The following PBX4 variants were observed in gnomAD, a reference collection of about 807,000 sequenced individuals.
The protein encoded by PBX4 is PBX homeobox 4.
Under a neutral mutation model 35.1 loss-of-function variants are expected in PBX4, and 26 were observed. That is an observed-to-expected ratio of 0.74 (90% CI 0.54 to 1.03). The LOEUF (loss-of-function observed/expected upper bound fraction) is 1.03. Ranked by LOEUF, PBX4 falls within the 50% of genes least tolerant of loss-of-function variation. The pLI is 0.00. For missense variants in PBX4, 448 were observed against 504.3 expected (o/e 0.89, Z 1.07); for synonymous variants, 199 against 204.2 (o/e 0.97, Z 0.22).
At chr19:19,577,451 G>T (rs978881664) in intron 2 of PBX4, among the ~76,000 whole-genome samples, 4 of 152,216 alleles carry the variant, frequency 2.6e-5, no homozygotes, top group African/African-American at 9.6e-5. Context: ...GAAGGGTGCA[G>T]ATGTGCATGA....
chr19:19,599,179 G>C, intron 2 of PBX4, 113 bp downstream of exon 2: 1 of 847,732 alleles, frequency 1.2e-6, no homozygotes, highest in Non-Finnish European at 1.9e-6. Context: ...ATGTTGGTCA[G>C]GCTGGTCTGG....
intron 1 of PBX4, among the ~76,000 whole-genome samples, chr19:19,605,720 T>C (rs187125260): frequency 1.6e-4 from 25 of 152,112 alleles, no homozygotes; most frequent in Non-Finnish European, 2.8e-4. Context: ...TCCTCCCACT[T>C]TGGCCTCACA....
chr19:19,569,577 G>C lies in PBX4; in HGVS notation c.640C>G (p.Arg214Gly). 6.2e-7 allele frequency: 1 copy of C among 1,612,942 alleles called. No individual in the cohort carries two copies. The highest frequency in any genetic ancestry group is 1.3e-5 in the African/African-American group (1 of 74,972). ...RSRLLDARRK[R>G]RNFSKQATEV... ...GTCGCCTGCTTGCTGAAATTCCGCCGCTTGCGCCTGCAAAAACAGCCGCCT... is the reference window on the plus strand; with the variant it reads ...GTCGCCTGCTTGCTGAAATTCCGCCCCTTGCGCCTGCAAAAACAGCCGCCT... The change falls in exon 5 of 8, where the codon CGG becomes GGG. Residue 214 changes from arginine (R) to glycine (G), a missense_variant. Coordinates refer to ENST00000251203, the MANE Select transcript of PBX4 (RefSeq NM_025245.3).
intron 2 of PBX4, among the ~76,000 whole-genome samples, chr19:19,590,667 C>A (rs1435786278): frequency 6.6e-6 from 1 of 152,100 alleles, no homozygotes; most frequent in Non-Finnish European, 1.5e-5. Flanking sequence ...CGGGGTTTCA[C>A]CATGTTGGCC....
intron 5 of PBX4, among the ~76,000 whole-genome samples, chr19:19,567,760 C>A (rs1335542061): frequency 6.6e-6 from 1 of 152,154 alleles, no homozygotes; most frequent in Admixed American, 6.5e-5. Flanking sequence ...TGGCTGCCTA[C>A]CAGGCTATAG....
At chr19:19,596,826 T>G (rs151109851) in intron 2 of PBX4, among the ~76,000 whole-genome samples, 2,263 of 148,304 alleles carry the variant, frequency 0.015, 76 homozygotes, top group South Asian at 0.078. Flanking sequence ...GGATGGGGTG[T>G]GAGGATCACC....
intron 1 of PBX4, among the ~76,000 whole-genome samples, chr19:19,610,937 T>C (rs2061659829): frequency 1.3e-5 from 2 of 152,266 alleles, no homozygotes; most frequent in African/African-American, 4.8e-5. Context: ...AAATTTTAAA[T>C]ATGAAATCCT....
chr19:19,618,505 C>A lies in PBX4; in HGVS notation c.119+6G>T. 1.4e-6 allele frequency: 2 copies of A among 1,477,714 alleles called. No homozygotes were observed. The highest frequency in any genetic ancestry group is 2.8e-5 in the East Asian group (1 of 36,098). 91.5% of individuals were successfully genotyped at this position (1,477,714 alleles called of 1,614,324 possible). On this transcript the variant is annotated splice_donor_region_variant and intron_variant, in intron 1 of 7. Coordinates refer to ENST00000251203, the MANE Select transcript of PBX4 (RefSeq NM_025245.3). ...GCGTGGCCCCTGCCGAGCCCGCGGG[C>A]AGCACCTGGCCTGTGCCTCGTCCAG...
At chr19:19,604,122 A>T (rs2061614620) in intron 1 of PBX4, among the ~76,000 whole-genome samples, 1 of 152,152 alleles carries the variant, frequency 6.6e-6, no homozygotes, top group African/African-American at 2.4e-5. Context: ...TAAAAGCCAC[A>T]GCTGAATAAT....
chr19:19,574,419 G>A (rs2061406391), intron 2 of PBX4, among the ~76,000 whole-genome samples: 2 of 152,120 alleles, frequency 1.3e-5, no homozygotes, highest in South Asian at 4.1e-4. Flanking sequence ...TGGCCACTGT[G>A]GCCCTTGGCC....
intron 2 of PBX4, among the ~76,000 whole-genome samples, chr19:19,592,444 A>G (rs555158591): frequency 6.6e-6 from 1 of 152,326 alleles, no homozygotes; most frequent in African/African-American, 2.4e-5. Context: ...AGGAACACCC[A>G]GACACTGTGG....
At chr19:19,577,588 C>A (rs552075486) in intron 2 of PBX4, among the ~76,000 whole-genome samples, 1 of 152,054 alleles carries the variant, frequency 6.6e-6, no homozygotes, top group South Asian at 2.1e-4. Context: ...CATTTTTGGC[C>A]GGGCTTGGTG....
chr19:19,576,982 C>T (rs943791421), intron 2 of PBX4, among the ~76,000 whole-genome samples: 6 of 152,088 alleles, frequency 3.9e-5, no homozygotes, highest in African/African-American at 1.4e-4. Context: ...TCTCAAATTA[C>T]AGTGAGAGGC....
chr19:19,589,237 G>A (rs1374035257), intron 2 of PBX4, among the ~76,000 whole-genome samples: 1 of 152,052 alleles, frequency 6.6e-6, no homozygotes, highest in Admixed American at 6.6e-5. Flanking sequence ...GACCATCCTG[G>A]CTAACACGAT....
chr19:19,606,422 C>A (rs193218158), intron 1 of PBX4: 2 of 152,330 alleles, frequency 1.3e-5, no homozygotes, highest in African/African-American at 4.8e-5. Context: ...GGGAGAGAAC[C>A]CCATGCTCTG....
At chr19:19,617,423 C>T (rs2061694086) in intron 1 of PBX4, among the ~76,000 whole-genome samples, 1 of 152,128 alleles carries the variant, frequency 6.6e-6, no homozygotes, top group South Asian at 2.1e-4. Context: ...GGACTACAGG[C>T]TTGCATCATC....
At position 19,563,758 on chromosome 19, in the gene PBX4, G is replaced by C; in HGVS notation, c.926-143C>G. The C allele has an allele frequency of 1.4e-6, 1 of 719,132 alleles. No homozygotes were observed. The highest frequency in any genetic ancestry group is 2.5e-6 in the Non-Finnish European group (1 of 403,222). 44.5% of individuals were successfully genotyped at this position (719,132 alleles called of 1,614,324 possible). On this transcript the variant is annotated intron_variant, in intron 6 of 7. Transcript: ENST00000251203. This position sits in a 1 kb window ranked among gnomAD's most constrained non-coding sequence, Gnocchi z 5.1. ...GCCTCTGCTCCTCAGCCCCCACCCA[G>C]GCAGGCCAGCGGGCCCTCCCCACCA...
chr19:19,610,800 AAAGACAGC>A (rs2061659136), intron 1 of PBX4, among the ~76,000 whole-genome samples: 1 of 152,194 alleles, frequency 6.6e-6, no homozygotes, highest in African/African-American at 2.4e-5. Context: ...AAAGTACACC[AAAGACAGC>A]AAGACTCCTC....
intron 2 of PBX4, among the ~76,000 whole-genome samples, chr19:19,578,015 TAAAAAA>T (rs34023797): frequency 1.4e-5 from 1 of 73,380 alleles, no homozygotes; most frequent in African/African-American, 6.0e-5. Context: ...CCATCTCTAC[TAAAAAA>T]AAAAAAAAAA....
Sources: gnomAD v4.1 joint callset for allele counts (sites outside exome capture counted in the v4.1 genomes callset) on GRCh38, gnomAD v4.1.1 for gene constraint, Gnocchi (gnomAD v3.1) non-coding constraint, MANE v1.5 for transcripts, NCBI Gene and HGNC (gene_info 2026-07-23, HGNC 2026-07-21) for gene names.